Variants in MEF2C observed in about 807,000 individuals in gnomAD.
The protein encoded by MEF2C is myocyte enhancer factor 2C.
Under a neutral mutation model 50.5 loss-of-function variants are expected in MEF2C, and 6 were observed. The observed-to-expected ratio is 0.12, with a 90% CI of 0.07 to 0.23. The LOEUF (loss-of-function observed/expected upper bound fraction) is 0.23. Among genes scored for constraint, MEF2C ranks in the 10% least tolerant of loss-of-function variants. MEF2C has a pLI of 1.00. For synonymous variants in MEF2C, 183 were observed against 228.0 expected (o/e 0.80, Z 1.78); for missense variants, 276 against 605.0 (o/e 0.46, Z 5.70).
At chr5:88,750,758 T>C (rs1772351298) in intron 5 of MEF2C, among the ~76,000 whole-genome samples, 1 of 152,224 alleles carries the variant, frequency 6.6e-6, no homozygotes, top group South Asian at 2.1e-4. Context: ...AAATTTTTTA[T>C]TTGGATGAAT....
chr5:88,756,932 T>A (rs1429289919), intron 4 of MEF2C, among the ~76,000 whole-genome samples: 1 of 151,796 alleles, frequency 6.6e-6, no homozygotes, highest in African/African-American at 2.4e-5. Flanking sequence ...TGAAATGCTG[T>A]CAGCAGAACT....
At chr5:88,734,189 A>G (rs1463087622) in intron 6 of MEF2C, 1 of 985,112 alleles carries the variant, frequency 1.0e-6, no homozygotes, top group Non-Finnish European at 1.2e-6. Context: ...ATAAAAAGAG[A>G]ATAAGAACAT....
intron 3 of MEF2C, among the ~76,000 whole-genome samples, chr5:88,796,774 C>T (rs188047086): frequency 2.0e-5 from 3 of 152,174 alleles, no homozygotes; most frequent in African/African-American, 7.2e-5. Context: ...ATAAATTCAC[C>T]TCCTCTAAAC....
chr5:88,779,622 T>TGC (rs1158178992), intron 3 of MEF2C, among the ~76,000 whole-genome samples: 1 of 151,938 alleles, frequency 6.6e-6, no homozygotes, highest in East Asian at 1.9e-4. Context: ...TGTGTGTGTG[T>TGC]GTGTGTACAG....
intron 2 of MEF2C, among the ~76,000 whole-genome samples, chr5:88,816,071 AG>A (rs2153172617): frequency 6.6e-6 from 1 of 152,168 alleles, no homozygotes; most frequent in African/African-American, 2.4e-5. Context: ...AAATTATATG[AG>A]ATATACAAAT....
intron 10 of MEF2C, among the ~76,000 whole-genome samples, chr5:88,726,546 AGT>A (rs1203469354): frequency 1.3e-5 from 2 of 152,136 alleles, no homozygotes; most frequent in Non-Finnish European, 2.9e-5. Flanking sequence ...AAGGGCCAAC[AGT>A]GGAAGGACTG....
chr5:88,884,131 T>G (rs926103604), upstream of MEF2C, among the ~76,000 whole-genome samples: 3 of 152,160 alleles, frequency 2.0e-5, no homozygotes, highest in Non-Finnish European at 4.4e-5. Context: ...GAGAACCTAG[T>G]CTCCCGCTGC....
intron 5 of MEF2C, chr5:88,750,155 GT>G: frequency 1.2e-6 from 1 of 867,516 alleles, no homozygotes. Context: ...GTTGGTTCAG[GT>G]TTTGGAATTA....
chr5:88,735,509 C>T (rs1410716998), intron 6 of MEF2C: 1 of 983,204 alleles, frequency 1.0e-6, no homozygotes, highest in Non-Finnish European at 1.2e-6. Context: ...GAAGTACAGA[C>T]CAACTTTAGA....
upstream of MEF2C, chr5:88,883,257 G>A (rs1050037780): frequency 2.0e-5 from 3 of 152,070 alleles, no homozygotes; most frequent in African/African-American, 7.3e-5. Context: ...CGCGCGAGGG[G>A]GGGGGCGCGG....
Position 88,738,668 on chromosome 5 carries a change from C to A in MEF2C, c.638-6767G>T, listed in dbSNP as rs1765150695. 5.1e-6 allele frequency: 5 copies of A among 985,106 alleles called. No homozygotes were observed. The South Asian group carries it at 2.4e-4, about 46-fold the overall frequency. The allele number at this position is 985,106 out of a possible 1,614,324, so 61.0% of individuals were successfully genotyped here. ...GCCTTTCTATGTCGAGTCTCATTTGCAAATTATGGGGATACAAATGAAGAG... is the reference window on the plus strand; with the variant it reads ...GCCTTTCTATGTCGAGTCTCATTTGAAAATTATGGGGATACAAATGAAGAG... On this transcript the variant is annotated intron_variant, in intron 6 of 10. Transcript: ENST00000504921.
chr5:88,738,406 A>G, intron 6 of MEF2C: 1 of 978,580 alleles, frequency 1.0e-6, no homozygotes, highest in African/African-American at 1.7e-5. Context: ...TTGTACATGG[A>G]TATAAAGCAC....
intron 6 of MEF2C, chr5:88,739,798 A>G (rs985304432): frequency 2.0e-6 from 2 of 985,206 alleles, no homozygotes; most frequent in African/African-American, 3.5e-5. Context: ...CAACCACAAA[A>G]CATTCAGGGG....
At chr5:88,753,613 ACTC>A (rs1561833708) in intron 4 of MEF2C, among the ~76,000 whole-genome samples, 1 of 151,624 alleles carries the variant, frequency 6.6e-6, no homozygotes, top group African/African-American at 2.4e-5. Context: ...CTGGTCTTGA[ACTC>A]CTGAGCGCAG....
At chr5:88,856,566 G>A (rs1823438902) in intron 1 of MEF2C, among the ~76,000 whole-genome samples, 1 of 152,220 alleles carries the variant, frequency 6.6e-6, no homozygotes, top group Non-Finnish European at 1.5e-5. Context: ...AGGCCTAGGA[G>A]GAAAAAAAGG....
chr5:88,780,866 G>GT, intron 3 of MEF2C: 1 of 984,972 alleles, frequency 1.0e-6, no homozygotes, highest in Non-Finnish European at 1.2e-6. Flanking sequence ...CATCTCTCTC[G>GT]TTCTTTCACT....
intron 6 of MEF2C, chr5:88,737,895 T>C (rs1764777036): frequency 1.0e-6 from 1 of 985,226 alleles, no homozygotes; most frequent in Admixed American, 6.1e-5. Context: ...TAAGATAGCT[T>C]CTTAGTTGTT....
intron 6 of MEF2C, chr5:88,741,423 T>C: frequency 1.0e-6 from 1 of 985,396 alleles, no homozygotes; most frequent in African/African-American, 1.7e-5. Context: ...CTAAAATAAT[T>C]TGTATATCAC....
intron 4 of MEF2C, among the ~76,000 whole-genome samples, chr5:88,755,534 C>T (rs1333967854): frequency 6.6e-6 from 1 of 152,136 alleles, no homozygotes; most frequent in Non-Finnish European, 1.5e-5. Flanking sequence ...AAATAATAAA[C>T]TAAATGGGTT....
Sources: gnomAD v4.1 joint callset for allele counts (sites outside exome capture counted in the v4.1 genomes callset) on GRCh38, gnomAD v4.1.1 for gene constraint, MANE v1.5 for transcripts, NCBI Gene and HGNC (gene_info 2026-07-23, HGNC 2026-07-21) for gene names.